Variants in WDR19 observed in about 807,000 individuals in gnomAD.
WDR19 encodes the protein WD repeat-containing protein 19.
Under a neutral mutation model 180.0 loss-of-function variants are expected in WDR19, and 121 were observed. The observed-to-expected ratio is 0.67, with a 90% CI of 0.58 to 0.78. The LOEUF is 0.78. Among genes scored for constraint, WDR19 ranks in the 30% least tolerant of loss-of-function variants. WDR19 has a pLI of 0.00. For missense variants in WDR19, 1,450 were observed against 1,640.7 expected (o/e 0.88, Z 2.01); for synonymous variants, 497 against 540.7 (o/e 0.92, Z 1.12).
chr4:39,263,329 A>C (rs1734481499), intron 28 of WDR19, among the ~76,000 whole-genome samples: 1 of 151,616 alleles, frequency 6.6e-6, no homozygotes, highest in Admixed American at 6.6e-5. Flanking sequence ...TCTTCACCCT[A>C]CTCCATGTTA....
intron 9 of WDR19, among the ~76,000 whole-genome samples, chr4:39,212,598 C>T (rs1443111142): frequency 6.6e-6 from 1 of 152,102 alleles, no homozygotes; most frequent in Non-Finnish European, 1.5e-5. Context: ...TTGAGACCAA[C>T]CTGGCCAATG....
At chr4:39,196,818 T>C (rs1248217709) in intron 5 of WDR19, among the ~76,000 whole-genome samples, 2 of 152,202 alleles carry the variant, frequency 1.3e-5, no homozygotes, top group African/African-American at 4.8e-5. Flanking sequence ...CTCATGTTCT[T>C]CCCTCCTCAT....
At chr4:39,272,259 A>G (rs1337837346) in intron 31 of WDR19, among the ~76,000 whole-genome samples, 3 of 152,230 alleles carry the variant, frequency 2.0e-5, no homozygotes, top group African/African-American at 7.2e-5. Context: ...AATTCCTATA[A>G]GAGGCCCTCT....
chr4:39,193,151 AT>A (rs1483827070), intron 4 of WDR19, among the ~76,000 whole-genome samples: 39 of 150,356 alleles, frequency 2.6e-4, no homozygotes, highest in Admixed American at 4.6e-4. Context: ...GCTAAATTTA[AT>A]TTTTTTTCTT....
At chr4:39,212,919 C>A (rs991476341) in intron 9 of WDR19, among the ~76,000 whole-genome samples, 2 of 152,054 alleles carry the variant, frequency 1.3e-5, no homozygotes, top group African/African-American at 4.8e-5. Context: ...AAAAAGCAAA[C>A]AACCCTATTA....
chr4:39,235,760 T>G (rs899669752), intron 20 of WDR19, among the ~76,000 whole-genome samples: 3 of 150,932 alleles, frequency 2.0e-5, no homozygotes, highest in African/African-American at 7.3e-5. Flanking sequence ...ATATCCAGAA[T>G]CTGCAAGGAA....
intron 27 of WDR19, 59 bp downstream of exon 27, chr4:39,256,019 C>T (rs1197701929): frequency 9.9e-6 from 12 of 1,211,874 alleles, no homozygotes; most frequent in East Asian, 5.0e-5. Flanking sequence ...AGGAAATATA[C>T]GTAAATGCCA....
At chr4:39,283,138 G>GC (rs1373999733) in intron 36 of WDR19, among the ~76,000 whole-genome samples, 1 of 152,160 alleles carries the variant, frequency 6.6e-6, no homozygotes, top group Non-Finnish European at 1.5e-5. Context: ...AATTGTGGAA[G>GC]TTTCCTTCTA....
At chr4:39,267,793 C>G (rs1474863837) in intron 29 of WDR19, among the ~76,000 whole-genome samples, 1 of 152,106 alleles carries the variant, frequency 6.6e-6, no homozygotes, top group East Asian at 1.9e-4. Context: ...TAGTATTTCT[C>G]AAGTACTTAG....
intron 19 of WDR19, among the ~76,000 whole-genome samples, chr4:39,233,054 A>G (rs1049332401): frequency 3.3e-5 from 5 of 152,184 alleles, no homozygotes; most frequent in Non-Finnish European, 4.4e-5. Flanking sequence ...CTAAGCACTT[A>G]TCATGTATTA....
At chr4:39,200,824 C>G (rs1175657116) in intron 6 of WDR19, among the ~76,000 whole-genome samples, 1 of 152,138 alleles carries the variant, frequency 6.6e-6, no homozygotes, top group Non-Finnish European at 1.5e-5. Flanking sequence ...GGCTGCTGAT[C>G]GTAGGGCCCC....
At chr4:39,183,544 C>T (rs910563304) in intron 1 of WDR19, among the ~76,000 whole-genome samples, 1 of 152,106 alleles carries the variant, frequency 6.6e-6, no homozygotes, top group African/African-American at 2.4e-5. Flanking sequence ...CCACCGCGCC[C>T]GGCTGGAAGG....
chr4:39,273,878 G>A (rs1054494906), intron 32 of WDR19: 9 of 152,188 alleles, frequency 5.9e-5, no homozygotes, highest in Non-Finnish European at 1.3e-4. Flanking sequence ...ACATTCTTAA[G>A]TGATTAAATA....
Position 39,281,230 on chromosome 4 carries a change from T to G in WDR19, c.*13+2567T>G, listed in dbSNP as rs548121338. On this transcript the variant is annotated intron_variant, in intron 36 of 36. Coordinates refer to ENST00000399820, the MANE Select transcript of WDR19 (RefSeq NM_025132.4). ...ATGTGTGTGTGTATATATATATATA[T>G]ATATATAGAGAGAGAGAGAGAGAGA... is the stretch of plus-strand genomic sequence containing the variant. Among the ~76,000 whole-genome samples the G allele has an allele frequency of 4.6e-3, 449 of 96,990 alleles. 5 individuals are homozygous for G. Among genetic ancestry groups the G allele is most frequent in the African/African-American group, 7.7e-3 (136 of 17,766 alleles). 63.6% of individuals were successfully genotyped at this position (96,990 alleles called of 152,430 possible).
Position 39,269,356 on chromosome 4 carries a change from G to T in WDR19, c.3359-620G>T, listed in dbSNP as rs1191814413. On this transcript the variant is annotated intron_variant, in intron 30 of 36. Coordinates refer to ENST00000399820, the MANE Select transcript of WDR19 (RefSeq NM_025132.4). ...AGCAATCCTGATGAGCACTACAGCA[G>T]AAGGAAATGATGAGAAGCATTCACA... Among the ~76,000 whole-genome samples, 6 of 152,290 alleles carry T rather than the reference G, an allele frequency of 3.9e-5. No individual in the cohort carries two copies. In the Middle Eastern group the frequency reaches 0.01, roughly 259 times the overall value.
chr4:39,270,497 T>C (rs1421943431), intron 31 of WDR19, among the ~76,000 whole-genome samples: 2 of 152,174 alleles, frequency 1.3e-5, no homozygotes, highest in Admixed American at 6.6e-5. Flanking sequence ...TGCCTCAGCC[T>C]TCCAAGTAGC....
chr4:39,184,503 G>A (rs1398375549), intron 1 of WDR19, among the ~76,000 whole-genome samples: 1 of 151,962 alleles, frequency 6.6e-6, no homozygotes, highest in Non-Finnish European at 1.5e-5. Context: ...GTCTTGCTCT[G>A]TCACCCAGGC....
At chr4:39,269,022 G>A (rs1735084235) in intron 30 of WDR19, among the ~76,000 whole-genome samples, 2 of 152,174 alleles carry the variant, frequency 1.3e-5, no homozygotes, top group South Asian at 4.1e-4. Flanking sequence ...GAGGGGAGTG[G>A]AGGTTGCTGG....
chr4:39,195,487 A>G (rs1028493676), intron 5 of WDR19, among the ~76,000 whole-genome samples: 2 of 152,028 alleles, frequency 1.3e-5, no homozygotes, highest in African/African-American at 4.8e-5. Context: ...GATGTGGACT[A>G]TGAGTTCCAT....
Sources: allele counts gnomAD v4.1 joint callset (sites outside exome capture counted in the v4.1 genomes callset), GRCh38; gene constraint gnomAD v4.1.1; transcripts MANE v1.5; gene names NCBI Gene and HGNC (gene_info 2026-07-23, HGNC 2026-07-21).